GALNT13: variants seen among roughly 807,000 people sequenced by gnomAD.
GALNT13 encodes polypeptide N-acetylgalactosaminyltransferase 13, also known as UDP-GalNAc:polypeptide N-acetylgalactosaminyltransferase 13.
GALNT13 carries 28 observed loss-of-function variants against 64.2 expected under a neutral mutation model. That is an observed-to-expected ratio of 0.44 (90% CI 0.32 to 0.60). GALNT13 has a LOEUF of 0.60. Among genes scored for constraint, GALNT13 ranks in the 20% least tolerant of loss-of-function variants. The pLI is 0.05. For synonymous variants in GALNT13, 214 were observed against 224.6 expected, an observed-to-expected ratio of 0.95 and a Z score of 0.42; for missense variants, 577 against 669.8, an observed-to-expected ratio of 0.86 and a Z score of 1.53.
intron 4 of GALNT13, among the ~76,000 whole-genome samples, chr2:154,148,533 G>A (rs1683767008): frequency 1.3e-5 from 2 of 151,952 alleles, no homozygotes; most frequent in Non-Finnish European, 2.9e-5. Context: ...CTAGTTTACA[G>A]TCCCACCAAC....
At chr2:153,551,646 T>C in the GALNT13 span, among the ~76,000 whole-genome samples, 1 of 152,162 alleles carries the variant, frequency 6.6e-6, no homozygotes, top group East Asian at 1.9e-4. Context: ...ATAATAACTT[T>C]AAATTTTGTG....
chr2:154,386,911 C>A (rs2105343375), intron 9 of GALNT13, among the ~76,000 whole-genome samples: 1 of 152,160 alleles, frequency 6.6e-6, no homozygotes, highest in South Asian at 2.1e-4. Context: ...TAACTTTTGA[C>A]TGTGGATATT....
At chr2:154,031,166 A>C (rs1457408034) in intron 3 of GALNT13, among the ~76,000 whole-genome samples, 1 of 152,164 alleles carries the variant, frequency 6.6e-6, no homozygotes, top group Non-Finnish European at 1.5e-5. Context: ...ATATAGTGTT[A>C]CAACATTCTT....
At chr2:153,340,906 A>G in the GALNT13 span, among the ~76,000 whole-genome samples, 77,247 of 151,952 alleles carry the variant, frequency 0.51, 20,559 homozygotes, top group African/African-American at 0.57. Context: ...GTGGTTCCCA[A>G]TCAGCAACAT....
At chr2:153,344,904 G>A in the GALNT13 span, among the ~76,000 whole-genome samples, 1 of 152,034 alleles carries the variant, frequency 6.6e-6, no homozygotes, top group African/African-American at 2.4e-5. Context: ...TCTCAATAAC[G>A]CTGGAGAAGA....
chr2:154,392,728 G>C (rs1034026467), intron 9 of GALNT13, among the ~76,000 whole-genome samples: 1 of 152,152 alleles, frequency 6.6e-6, no homozygotes. Flanking sequence ...TACACTTTTG[G>C]TCAGGGGAGT....
At chr2:153,240,244 T>C in the GALNT13 span, among the ~76,000 whole-genome samples, 1,986 of 152,322 alleles carry the variant, frequency 0.013, 52 homozygotes, top group African/African-American at 0.046. Context: ...TTAATCAATT[T>C]TGTTTATTTT....
the GALNT13 span, among the ~76,000 whole-genome samples, chr2:153,209,568 G>A: frequency 6.6e-6 from 1 of 151,994 alleles, no homozygotes; most frequent in Non-Finnish European, 1.5e-5. Flanking sequence ...GACTACTGTA[G>A]CTTTATAATT....
chr2:153,969,346 A>G lies in GALNT13; in HGVS notation c.142+24707A>G, dbSNP rs538828527. 1.1e-4 allele frequency among the ~76,000 whole-genome samples: 17 copies of G among 152,180 alleles called. 1 individual carries two copies. The East Asian group carries it at 2.1e-3, about 19-fold the overall frequency. On this transcript the variant is annotated intron_variant, in intron 3 of 12. Transcript: ENST00000392825. ...TAGAAAAACTTAAAAATTTTTTTAA[A>G]TTAAAAATTACCTAAAAAAATATGT...
At chr2:154,399,902 C>T (rs1399031784) in intron 10 of GALNT13, among the ~76,000 whole-genome samples, 2 of 152,228 alleles carry the variant, frequency 1.3e-5, no homozygotes, top group South Asian at 2.1e-4. Flanking sequence ...TATGGTATAA[C>T]GGCTGTTTAA....
At chr2:153,472,181 T>C in the GALNT13 span, among the ~76,000 whole-genome samples, 1 of 152,190 alleles carries the variant, frequency 6.6e-6, no homozygotes, top group Admixed American at 6.5e-5. Flanking sequence ...AATGACTCTT[T>C]CAGGGCAGTA....
At chr2:153,144,511 G>A in the GALNT13 span, among the ~76,000 whole-genome samples, 3 of 151,876 alleles carry the variant, frequency 2.0e-5, no homozygotes, top group Admixed American at 6.6e-5. Context: ...AACTCCAGAA[G>A]TGTATTTGAG....
Position 154,242,075 on chromosome 2 carries a change from A to C in GALNT13, c.357A>C (p.Val119=). ...VYPDELPNTS[V]VIVFHNEAWS... ...CTGATGAACTTCCAAACACAAGTGT[A>C]GTCATTGTGTTTCATAATGAAGCTT... The change falls in exon 5 of 13, where the codon GTA becomes GTC. Residue 119 remains valine (V), a synonymous_variant. Transcript: ENST00000392825. The C allele has an allele frequency of 6.2e-7, 1 of 1,608,310 alleles. No homozygotes were observed. The highest frequency in any genetic ancestry group is 1.3e-5 in the African/African-American group (1 of 74,780).
At chr2:153,375,206 G>A in the GALNT13 span, among the ~76,000 whole-genome samples, 4 of 151,986 alleles carry the variant, frequency 2.6e-5, no homozygotes, top group Non-Finnish European at 5.9e-5. Flanking sequence ...GGATTTTCTT[G>A]TGATTTTAGA....
At chr2:153,563,135 G>A in the GALNT13 span, among the ~76,000 whole-genome samples, 1,395 of 151,460 alleles carry the variant, frequency 9.2e-3, 14 homozygotes, top group South Asian at 0.033. Context: ...GATATCCTTT[G>A]TTTTTCTTAC....
chr2:153,554,676 GTGTGTGTC>G, the GALNT13 span, among the ~76,000 whole-genome samples: 223 of 146,930 alleles, frequency 1.5e-3, 1 homozygote, highest in South Asian at 1.9e-3. Context: ...GTGTGTGTGT[GTGTGTGTC>G]TGTGTACGCG....
At chr2:153,826,015 C>T in the GALNT13 span, among the ~76,000 whole-genome samples, 4 of 152,252 alleles carry the variant, frequency 2.6e-5, no homozygotes, top group African/African-American at 9.6e-5. Context: ...TTACTCATGC[C>T]AAATTCTGAT....
the GALNT13 span, among the ~76,000 whole-genome samples, chr2:153,657,759 A>G: frequency 4.6e-5 from 7 of 152,154 alleles, no homozygotes; most frequent in Non-Finnish European, 1.0e-4. Context: ...CTTGTAGCAT[A>G]AACCAATTAG....
intron 8 of GALNT13, among the ~76,000 whole-genome samples, chr2:154,281,306 A>AT (rs1375136182): frequency 1.3e-5 from 2 of 152,186 alleles, no homozygotes; most frequent in African/African-American, 4.8e-5. Flanking sequence ...ATATTCATAC[A>AT]TTTTATTTAC....
Sources: gnomAD v4.1 joint callset for allele counts (sites outside exome capture counted in the v4.1 genomes callset) on GRCh38, gnomAD v4.1.1 for gene constraint, MANE v1.5 for transcripts, NCBI Gene and HGNC (gene_info 2026-07-23, HGNC 2026-07-21) for gene names.